DST: variants seen among roughly 807,000 people sequenced by gnomAD.
DST encodes dystonin, also known as bullous pemphigoid antigen.
A neutral mutation model predicts 875.2 loss-of-function variants in DST; 253 were observed. The observed-to-expected ratio is 0.29, with a 90% CI of 0.26 to 0.32. The LOEUF (loss-of-function observed/expected upper bound fraction) is 0.32. Ranked by LOEUF, DST falls within the 10% of genes least tolerant of loss-of-function variation. The pLI is 1.00. For missense variants in DST, 8,287 were observed against 9,111.6 expected (o/e 0.91, Z 3.68); for synonymous variants, 3,124 against 3,197.1 (o/e 0.98, Z 0.77).
intron 4 of DST, among the ~76,000 whole-genome samples, chr6:56,832,738 A>C (rs866444199): frequency 6.6e-6 from 1 of 152,174 alleles, no homozygotes; most frequent in Middle Eastern, 3.4e-3. Flanking sequence ...AGTATTTTCA[A>C]TATTCTTTTT....
intron 4 of DST, among the ~76,000 whole-genome samples, chr6:56,814,393 G>A (rs60750019): frequency 0.04 from 6,147 of 152,204 alleles, 426 homozygotes; most frequent in African/African-American, 0.14. Flanking sequence ...GAAGGACTGA[G>A]AGAATGACAG....
chr6:56,616,464 T>G, intron 36 of DST: 1 of 1,614,160 alleles, frequency 6.2e-7, no homozygotes, highest in Non-Finnish European at 8.5e-7. Flanking sequence ...CTATGTGTTT[T>G]CTTGACATTG....
chr6:56,615,005 T>C, intron 36 of DST: 1 of 997,048 alleles, frequency 1.0e-6, no homozygotes, highest in East Asian at 1.1e-4. Flanking sequence ...CATTTTAATA[T>C]GCAAAGAAGG....
chr6:56,695,166 A>T (rs2099256678), intron 9 of DST, among the ~76,000 whole-genome samples: 1 of 148,532 alleles, frequency 6.7e-6, no homozygotes, highest in South Asian at 2.1e-4. Flanking sequence ...TGTTTGAAAC[A>T]GCCTGGTACC....
chr6:56,781,937 T>G (rs184155761), intron 4 of DST, among the ~76,000 whole-genome samples: 2,846 of 152,282 alleles, frequency 0.019, 78 homozygotes, highest in African/African-American at 0.064. Context: ...CATGAAGAGT[T>G]GTTGAATTTT....
rs2098476357 is a variant in DST at position 56,604,479 on chromosome 6, T to C, written c.10149A>G (p.Lys3383=). 1 of 1,611,854 alleles carries C rather than the reference T, an allele frequency of 6.2e-7. No homozygotes were observed. The highest frequency in any genetic ancestry group is 8.5e-7 in the Non-Finnish European group (1 of 1,178,846). Residue 3383 remains lysine, a synonymous_variant, in exon 40 of 104, where the codon AAA becomes AAG. Coordinates refer to ENST00000680361, the MANE Select transcript of DST (RefSeq NM_001374736.1). ...TTTTAATTAAATTTTGAATTAAAAT[T>C]TTAGTGTCTGCACAGGCTGAAGGTT... ...VEEPSACADT[K]ILIQNLIKRI... is the part of the protein sequence containing the mutation.
intron 80 of DST, among the ~76,000 whole-genome samples, chr6:56,498,555 A>T (rs2096001038): frequency 6.6e-6 from 1 of 152,172 alleles, no homozygotes. Flanking sequence ...ATATCTAGAG[A>T]TTATAATTAA....
At chr6:56,618,024 A>T in intron 36 of DST, 1 of 1,614,164 alleles carries the variant, frequency 6.2e-7, no homozygotes, top group Non-Finnish European at 8.5e-7. Context: ...TCCATTTCAC[A>T]TGCGTTATCT....
chr6:56,809,170 G>A (rs887071127), intron 4 of DST, among the ~76,000 whole-genome samples: 1 of 152,072 alleles, frequency 6.6e-6, no homozygotes, highest in Non-Finnish European at 1.5e-5. Context: ...GCTTCTTGGT[G>A]CTCTCCCTTA....
At chr6:56,871,733 A>G (rs555728943) in intron 3 of DST, 20 of 593,414 alleles carry the variant, frequency 3.4e-5, no homozygotes, top group South Asian at 3.2e-4. Context: ...AAAAACTTAC[A>G]GCACAGGAGT....
At position 56,598,493 on chromosome 6, in the gene DST, T is replaced by G. The variant is rs939547269; in HGVS notation, c.11911A>C (p.Lys3971Gln). ...ATAAGGACCTTTTCAGTTTCTTCCT[T>G]GATTGCTGTTGTCACAACTTTATCC... ...ELDKVVTTAI[K>Q]EETEKVAAVK... Residue 3971 changes from lysine to glutamine, a missense_variant, in exon 46 of 104, where the codon AAG becomes CAG. By Grantham distance (53) the Lys-to-Gln change is moderately conservative (BLOSUM62 1). Coordinates refer to ENST00000680361, the MANE Select transcript of DST (RefSeq NM_001374736.1). 10 of 1,571,134 alleles carry G rather than the reference T, an allele frequency of 6.4e-6. No homozygotes were observed. The Admixed American group carries it at 7.2e-5, about 11-fold the overall frequency.
chr6:56,786,524 T>C (rs936029671), intron 4 of DST, among the ~76,000 whole-genome samples: 3 of 152,144 alleles, frequency 2.0e-5, no homozygotes, highest in African/African-American at 7.2e-5. Flanking sequence ...CAGTACCTTT[T>C]GGTTTTGTTT....
chr6:56,926,004 T>C (rs984385928), intron 2 of DST, among the ~76,000 whole-genome samples: 4 of 152,206 alleles, frequency 2.6e-5, no homozygotes, highest in Non-Finnish European at 2.9e-5. Context: ...TATTCTGATA[T>C]ATGCCTTCGA....
intron 2 of DST, among the ~76,000 whole-genome samples, chr6:56,910,199 C>T (rs1464335856): frequency 6.6e-6 from 1 of 152,214 alleles, no homozygotes; most frequent in East Asian, 1.9e-4. Flanking sequence ...TGAGGTCTCG[C>T]TCAGTTGCCC....
chr6:56,558,776 C>T (rs2097478230), intron 58 of DST, among the ~76,000 whole-genome samples: 1 of 152,140 alleles, frequency 6.6e-6, no homozygotes, highest in Non-Finnish European at 1.5e-5. Context: ...AGACGATCCT[C>T]TAATCTATCC....
chr6:56,752,084 C>A, intron 4 of DST, among the ~76,000 whole-genome samples: 1 of 144,034 alleles, frequency 6.9e-6, no homozygotes, highest in Middle Eastern at 3.6e-3. Context: ...CCAAACTATT[C>A]TTTTTTTTTT....
intron 70 of DST, 43 bp downstream of exon 70, chr6:56,517,458 C>A: frequency 6.2e-7 from 1 of 1,604,290 alleles, no homozygotes; most frequent in Non-Finnish European, 8.5e-7. Flanking sequence ...TTGGAGCACA[C>A]CAGCAAATAA....
At chr6:56,554,072 A>ATTT (rs2097363178) in intron 60 of DST, among the ~76,000 whole-genome samples, 1 of 107,106 alleles carries the variant, frequency 9.3e-6, no homozygotes, top group Non-Finnish European at 1.9e-5. Flanking sequence ...CGCGTCTATG[A>ATTT]CTTTTTTTTT....
Position 56,604,330 on chromosome 6 carries a change from T to C in DST, c.10298A>G (p.Asp3433Gly). Reference protein sequence around the residue: ...SSELKPESRDDPFCIGNLKSE... With the variant: ...SSELKPESRDGPFCIGNLKSE... ...CTTAAGATTTCCAATACAGAAAGGA[T>C]CATCTCTACTTTCTGGCTTTAGTTC... The change falls in exon 40 of 104, where the codon GAT becomes GGT. Residue 3433 changes from aspartate to glycine, a missense_variant. This residue lies in a region of DST where 3,138 missense variants were observed against 3,116.6 expected (regional missense o/e 1.01). Coordinates refer to ENST00000680361, the MANE Select transcript of DST (RefSeq NM_001374736.1). 1 of 1,612,360 alleles carries C rather than the reference T, an allele frequency of 6.2e-7. No individual in the cohort carries two copies. Among genetic ancestry groups the C allele is most frequent in the Non-Finnish European group, 8.5e-7 (1 of 1,179,040 alleles).
Sources: gnomAD v4.1 joint callset for allele counts (sites outside exome capture counted in the v4.1 genomes callset) on GRCh38, gnomAD v4.1.1 for gene constraint, gnomAD v4.1.1 regional missense constraint, MANE v1.5 for transcripts, NCBI Gene and HGNC (gene_info 2026-07-23, HGNC 2026-07-21) for gene names.